SGCZ: variants seen among roughly 807,000 people sequenced by gnomAD.
SGCZ encodes the protein sarcoglycan zeta.
Under a neutral mutation model 41.3 loss-of-function variants are expected in SGCZ, and 40 were observed. That is an observed-to-expected ratio of 0.97 (90% CI 0.75 to 1.26). The LOEUF is 1.26. Among genes scored for constraint, SGCZ ranks in the 50% most tolerant of loss-of-function variants. SGCZ has a pLI of 0.00. For missense variants in SGCZ, 552 were observed against 369.8 expected (o/e 1.49, Z -4.04); for synonymous variants, 206 against 137.5 (o/e 1.50, Z -3.49).
At chr8:15,030,782 A>T (rs1188527603) in intron 1 of SGCZ, among the ~76,000 whole-genome samples, 1 of 152,142 alleles carries the variant, frequency 6.6e-6, no homozygotes, top group Non-Finnish European at 1.5e-5. Context: ...ACAAAACCAG[A>T]CGAAGGGATA....
intron 1 of SGCZ, among the ~76,000 whole-genome samples, chr8:15,237,231 G>T (rs1194229707): frequency 1.3e-5 from 2 of 148,824 alleles, no homozygotes; most frequent in Non-Finnish European, 3.0e-5. Flanking sequence ...GCAGGCGACA[G>T]CGGGCAGAGC....
chr8:14,186,431 A>G (rs1463542631), intron 4 of SGCZ, among the ~76,000 whole-genome samples: 1 of 152,200 alleles, frequency 6.6e-6, no homozygotes, highest in Non-Finnish European at 1.5e-5. Flanking sequence ...TCTATGTCAC[A>G]GTATTTTCCC....
intron 3 of SGCZ, among the ~76,000 whole-genome samples, chr8:14,272,637 G>A (rs905064629): frequency 5.3e-5 from 8 of 152,124 alleles, no homozygotes; most frequent in South Asian, 2.1e-4. Flanking sequence ...AAACTTAAAC[G>A]TGTCCTGGTG....
intron 3 of SGCZ, among the ~76,000 whole-genome samples, chr8:14,322,939 A>G (rs1271642416): frequency 6.6e-6 from 1 of 152,102 alleles, no homozygotes; most frequent in Non-Finnish European, 1.5e-5. Context: ...AAAGAACTAA[A>G]CTTTTCATTT....
intron 2 of SGCZ, among the ~76,000 whole-genome samples, chr8:14,387,926 G>A (rs986691032): frequency 1.3e-5 from 2 of 152,002 alleles, no homozygotes; most frequent in Admixed American, 6.6e-5. Flanking sequence ...GAGAGAAGTG[G>A]AATGAAAGAA....
chr8:14,252,190 T>C (rs1799313046), intron 3 of SGCZ, among the ~76,000 whole-genome samples: 1 of 152,162 alleles, frequency 6.6e-6, no homozygotes, highest in African/African-American at 2.4e-5. Flanking sequence ...TCCCTGTCTC[T>C]CTGTGATACA....
intron 3 of SGCZ, among the ~76,000 whole-genome samples, chr8:14,266,831 A>C (rs1799886205): frequency 6.6e-6 from 1 of 152,146 alleles, no homozygotes; most frequent in South Asian, 2.1e-4. Context: ...GATCCGACAT[A>C]AACTGGTAAT....
chr8:14,117,359 T>TGC (rs1563136465), intron 5 of SGCZ, among the ~76,000 whole-genome samples: 1,318 of 122,772 alleles, frequency 0.011, 21 homozygotes, highest in African/African-American at 0.041. Context: ...AGGTAGTGTT[T>TGC]TTTTTTTTTT....
At chr8:14,890,716 C>T (rs1040902239) in intron 1 of SGCZ, among the ~76,000 whole-genome samples, 2 of 152,112 alleles carry the variant, frequency 1.3e-5, no homozygotes, top group Admixed American at 6.6e-5. Context: ...AAATTGCCTT[C>T]CATTGGTAGA....
intron 1 of SGCZ, among the ~76,000 whole-genome samples, chr8:15,168,962 T>C (rs541802228): frequency 1.3e-5 from 2 of 152,320 alleles, no homozygotes; most frequent in South Asian, 2.1e-4. Flanking sequence ...CACTCCTGTG[T>C]AAACTGGTAA....
At position 14,088,843 on chromosome 8, in the gene SGCZ, C is replaced by A. The variant is rs772476049; in HGVS notation, c.*1600G>T. Among the ~76,000 whole-genome samples the A allele has an allele frequency of 1.5e-4, 23 of 151,992 alleles. No homozygotes were observed. Among genetic ancestry groups the A allele is most frequent in the Non-Finnish European group, 2.7e-4 (18 of 67,882 alleles). On this transcript the variant is annotated 3_prime_UTR_variant, in exon 8 of 8. Coordinates refer to ENST00000382080, the MANE Select transcript of SGCZ (RefSeq NM_139167.4). ...CTTTCACTAACCACATCTTTTGCAA[C>A]AAGTTCTAATCTCCCAGTTCACTCT...
intron 3 of SGCZ, among the ~76,000 whole-genome samples, chr8:14,250,743 T>G (rs993712159): frequency 8.5e-5 from 13 of 152,166 alleles, no homozygotes; most frequent in Non-Finnish European, 1.0e-4. Flanking sequence ...GAACAGCCCT[T>G]GCTCTCCTCT....
rs1238544201 is a variant in SGCZ, at chr8:14,917,460, T to A, written c.39+320125A>T. On this transcript the variant is annotated intron_variant, in intron 1 of 7. Coordinates refer to ENST00000382080, the MANE Select transcript of SGCZ (RefSeq NM_139167.4). ...CTTACAGTTTAATCAATAAAATTACTGGGCAAGAGAGACTGTTTAAATTAT... is the reference window on the plus strand; with the variant it reads ...CTTACAGTTTAATCAATAAAATTACAGGGCAAGAGAGACTGTTTAAATTAT... Among the ~76,000 whole-genome samples, 3 of 152,122 alleles carry A rather than the reference T, an allele frequency of 2.0e-5. No individual in the cohort carries two copies. The South Asian group carries it at 6.2e-4, about 31-fold the overall frequency.
intron 3 of SGCZ, among the ~76,000 whole-genome samples, chr8:14,245,348 G>C (rs920672051): frequency 7.2e-5 from 11 of 152,170 alleles, no homozygotes; most frequent in Non-Finnish European, 1.3e-4. Context: ...ATGGGGAAAG[G>C]ATTCCCTATT....
At chr8:14,970,562 C>CTTACCTTTGTAGAA (rs1170592124) in intron 1 of SGCZ, among the ~76,000 whole-genome samples, 2 of 152,114 alleles carry the variant, frequency 1.3e-5, no homozygotes, top group Non-Finnish European at 2.9e-5. Context: ...CTTGAAAAGA[C>CTTACCTTTGTAGAA]TTACCTTTGT....
chr8:14,905,118 A>G (rs974024053), intron 1 of SGCZ, among the ~76,000 whole-genome samples: 41 of 152,186 alleles, frequency 2.7e-4, no homozygotes, highest in African/African-American at 9.1e-4. Flanking sequence ...AAATTGATGA[A>G]TTATATTTCT....
chr8:15,122,028 T>C (rs1418521226), intron 1 of SGCZ, among the ~76,000 whole-genome samples: 1 of 152,038 alleles, frequency 6.6e-6, no homozygotes, highest in African/African-American at 2.4e-5. Flanking sequence ...TCAGAAATTC[T>C]ATATAAAAAT....
intron 1 of SGCZ, among the ~76,000 whole-genome samples, chr8:15,073,468 A>G (rs1192825572): frequency 6.6e-6 from 1 of 152,186 alleles, no homozygotes; most frequent in East Asian, 1.9e-4. Flanking sequence ...TGATGCTTAC[A>G]TTTATGTGTC....
At chr8:14,164,309 C>T (rs1010743579) in intron 5 of SGCZ, among the ~76,000 whole-genome samples, 1 of 152,042 alleles carries the variant, frequency 6.6e-6, no homozygotes, top group Non-Finnish European at 1.5e-5. Flanking sequence ...TGCATTTCAT[C>T]TCCACCCCGC....
Sources: gnomAD v4.1 joint callset for allele counts (sites outside exome capture counted in the v4.1 genomes callset) on GRCh38, gnomAD v4.1.1 for gene constraint, MANE v1.5 for transcripts, NCBI Gene and HGNC (gene_info 2026-07-23, HGNC 2026-07-21) for gene names.